Variants in CDK12 observed in about 807,000 individuals in gnomAD.
CDK12 encodes cyclin-dependent kinase 12.
A neutral mutation model predicts 133.8 loss-of-function variants in CDK12; 17 were observed. The observed-to-expected ratio is 0.13, with a 90% CI of 0.09 to 0.19. The LOEUF (loss-of-function observed/expected upper bound fraction) is 0.19. CDK12 is among the 10% of genes least tolerant of loss of function. The probability of loss-of-function intolerance (pLI) is 1.00; values close to 1 mark genes in which losing one functional copy is unlikely to be tolerated. For missense variants in CDK12, 1,508 were observed against 1,818.7 expected (o/e 0.83, Z 3.11); for synonymous variants, 694 against 683.6 (o/e 1.02, Z -0.24).
At chr17:39,559,689 A>G (rs1177440770) in intron 3 of CDK12, among the ~76,000 whole-genome samples, 2 of 152,202 alleles carry the variant, frequency 1.3e-5, no homozygotes, top group East Asian at 3.9e-4. Context: ...GCCTGGGCTT[A>G]TTAGCTGGGC....
intron 11 of CDK12, among the ~76,000 whole-genome samples, chr17:39,521,651 C>T (rs540425864): frequency 1.1e-4 from 16 of 152,092 alleles, no homozygotes; most frequent in Non-Finnish European, 2.2e-4. Context: ...CCTCCATCTC[C>T]TGGATTCAAG....
At chr17:39,508,582 T>C (rs1230101295) in intron 6 of CDK12, among the ~76,000 whole-genome samples, 2 of 152,070 alleles carry the variant, frequency 1.3e-5, no homozygotes, top group Non-Finnish European at 2.9e-5. Flanking sequence ...GGCTTAATAC[T>C]TAGGCGATGG....
intron 11 of CDK12, among the ~76,000 whole-genome samples, chr17:39,522,779 G>A (rs572821122): frequency 1.1e-4 from 16 of 152,182 alleles, no homozygotes; most frequent in African/African-American, 2.9e-4. Flanking sequence ...TCGGTCGAGC[G>A]CGGTCGCTCA....
At chr17:39,537,129 T>G (rs2055168232), downstream of CDK12, among the ~76,000 whole-genome samples, 1 of 152,130 alleles carries the variant, frequency 6.6e-6, no homozygotes, top group South Asian at 2.1e-4. Context: ...GTCTGAGTCT[T>G]GGAGGATGTC....
chr17:39,540,984 T>A (rs1457841920), intron 1 of CDK12, among the ~76,000 whole-genome samples: 2 of 152,236 alleles, frequency 1.3e-5, no homozygotes, highest in Non-Finnish European at 2.9e-5. Flanking sequence ...TCTCACTGTG[T>A]CTTCCTTTCC....
intron 12 of CDK12, among the ~76,000 whole-genome samples, chr17:39,525,402 CTT>C (rs939608917): frequency 4.6e-5 from 7 of 152,166 alleles, no homozygotes; most frequent in African/African-American, 1.2e-4. Flanking sequence ...AAAAGATACT[CTT>C]TTTCTGGTTC....
At chr17:39,542,532 G>A (rs995366603) in intron 1 of CDK12, among the ~76,000 whole-genome samples, 4 of 147,460 alleles carry the variant, frequency 2.7e-5, no homozygotes, top group Admixed American at 1.4e-4. Context: ...TTTTTGAAAC[G>A]GCGTTTCATT....
intron 6 of CDK12, among the ~76,000 whole-genome samples, chr17:39,502,011 A>G (rs1265709964): frequency 1.3e-5 from 2 of 149,974 alleles, no homozygotes; most frequent in Non-Finnish European, 3.0e-5. Context: ...TGCTCTGCTA[A>G]TTTTTGTATT....
At chr17:39,482,015 C>CTTTTTTTTTTTTTTTTTTTTTT (rs56340258) in intron 2 of CDK12, among the ~76,000 whole-genome samples, 3 of 96,254 alleles carry the variant, frequency 3.1e-5, no homozygotes, top group African/African-American at 9.9e-5. Context: ...CCTGGCTTGC[C>CTTTTTTTTTTTTTTTTTTTTTT]TTTTTTTTTT....
At chr17:39,500,583 A>G (rs1256251385) in intron 5 of CDK12, among the ~76,000 whole-genome samples, 2 of 151,132 alleles carry the variant, frequency 1.3e-5, no homozygotes, top group African/African-American at 4.9e-5. Context: ...CAGTGAGCCA[A>G]GATAGTGCCA....
chr17:39,555,060 A>G (rs530440063), intron 2 of CDK12, among the ~76,000 whole-genome samples: 2 of 151,962 alleles, frequency 1.3e-5, no homozygotes, highest in South Asian at 4.2e-4. Flanking sequence ...TCTGGCTAAT[A>G]TGGTGAAACC....
intron 11 of CDK12, among the ~76,000 whole-genome samples, chr17:39,523,457 C>A (rs1466446374): frequency 6.6e-6 from 1 of 151,858 alleles, no homozygotes; most frequent in African/African-American, 2.4e-5. Context: ...GCCTGGGCAA[C>A]AGAGCAAGAC....
chr17:39,554,154 C>T (rs1195266895), intron 2 of CDK12, among the ~76,000 whole-genome samples: 1 of 152,192 alleles, frequency 6.6e-6, no homozygotes, highest in Non-Finnish European at 1.5e-5. Flanking sequence ...AACACAGTTA[C>T]TCCTCCCTAC....
intron 3 of CDK12, among the ~76,000 whole-genome samples, chr17:39,492,325 T>C (rs893665454): frequency 3.3e-5 from 5 of 151,254 alleles, no homozygotes; most frequent in African/African-American, 1.2e-4. Flanking sequence ...CTCTATCTCC[T>C]GACCTCGTGA....
At chr17:39,492,013 T>TA (rs751681718) in intron 3 of CDK12, among the ~76,000 whole-genome samples, 223 of 113,026 alleles carry the variant, frequency 2.0e-3, no homozygotes, top group African/African-American at 5.7e-3. Flanking sequence ...TGTAGAGTAC[T>TA]AAAAAAAAAA....
At chr17:39,530,344 G>C in intron 13 of CDK12, 1 of 398,560 alleles carries the variant, frequency 2.5e-6, no homozygotes, top group Non-Finnish European at 4.4e-6. Context: ...GAAGGAAATG[G>C]AGGAAATCTT....
chr17:39,481,979 C>G (rs2050747062), intron 2 of CDK12, among the ~76,000 whole-genome samples: 1 of 147,682 alleles, frequency 6.8e-6, no homozygotes. Context: ...CTCGGCCTCC[C>G]AAAGTGCTGG....
chr17:39,561,914 C>A (rs751401700), intron 3 of CDK12, among the ~76,000 whole-genome samples: 1 of 152,080 alleles, frequency 6.6e-6, no homozygotes, highest in Non-Finnish European at 1.5e-5. Context: ...TGAGGCTAGA[C>A]CTGGAATGGG....
intron 1 of CDK12, among the ~76,000 whole-genome samples, chr17:39,467,438 C>A (rs2049427073): frequency 6.6e-6 from 1 of 152,168 alleles, no homozygotes; most frequent in Admixed American, 6.6e-5. Flanking sequence ...AGACACATTG[C>A]TTATTGCTGG....
Sources: allele counts gnomAD v4.1 joint callset (sites outside exome capture counted in the v4.1 genomes callset), GRCh38; gene constraint gnomAD v4.1.1; transcripts MANE v1.5; gene names NCBI Gene and HGNC (gene_info 2026-07-23, HGNC 2026-07-21).